Variants in CFH observed in about 807,000 individuals in gnomAD.
The protein encoded by CFH is complement factor H.
A neutral mutation model predicts 147.3 loss-of-function variants in CFH; 53 were observed. That is an observed-to-expected ratio of 0.36 (90% confidence interval 0.29 to 0.45). The LOEUF is 0.45. Among genes scored for constraint, CFH ranks in the 20% least tolerant of loss-of-function variants. The pLI is 1.00. For missense variants in CFH, 1,380 were observed against 1,498.0 expected, an observed-to-expected ratio of 0.92 and a Z score of 1.30; for synonymous variants, 536 against 489.4, an observed-to-expected ratio of 1.10 and a Z score of -1.26.
chr1:196,657,342 C>A (rs1004457949), intron 1 of CFH, among the ~76,000 whole-genome samples: 6 of 151,982 alleles, frequency 3.9e-5, no homozygotes, highest in Middle Eastern at 3.2e-3. Flanking sequence ...TAGATCATAT[C>A]GTATATATGC....
At chr1:196,659,231 A>G (rs1209937292) in intron 1 of CFH, among the ~76,000 whole-genome samples, 1 of 152,228 alleles carries the variant, frequency 6.6e-6, no homozygotes, top group East Asian at 1.9e-4. Flanking sequence ...CTGAGCTTGA[A>G]CATTCGATTG....
At chr1:196,744,726 C>T (rs1007444816) in intron 20 of CFH, among the ~76,000 whole-genome samples, 4 of 152,114 alleles carry the variant, frequency 2.6e-5, no homozygotes, top group African/African-American at 9.7e-5. Context: ...ATTGAAAAAA[C>T]TTATGAGGAA....
intron 9 of CFH, among the ~76,000 whole-genome samples, chr1:196,696,687 G>A (rs910357507): frequency 6.6e-5 from 10 of 152,052 alleles, no homozygotes; most frequent in African/African-American, 1.2e-4. Flanking sequence ...GAAAGAGCCC[G>A]CATTGCCAAG....
At chr1:196,738,006 T>C (rs1652637937) in intron 17 of CFH, among the ~76,000 whole-genome samples, 1 of 152,086 alleles carries the variant, frequency 6.6e-6, no homozygotes, top group East Asian at 1.9e-4. Context: ...GAGGAGGTCT[T>C]AGGAAACTTA....
chr1:196,736,442 G>C (rs552028199), intron 15 of CFH, among the ~76,000 whole-genome samples: 1 of 151,948 alleles, frequency 6.6e-6, no homozygotes, highest in Non-Finnish European at 1.5e-5. Context: ...TTTGATTATA[G>C]ATATCAATTT....
intron 9 of CFH, among the ~76,000 whole-genome samples, chr1:196,704,160 C>T: frequency 6.6e-6 from 1 of 151,966 alleles, no homozygotes; most frequent in Admixed American, 6.6e-5. Flanking sequence ...TCACTGCAAC[C>T]TCTGGCTCAC....
At chr1:196,721,523 T>C (rs1187718638) in intron 11 of CFH, among the ~76,000 whole-genome samples, 1 of 152,028 alleles carries the variant, frequency 6.6e-6, no homozygotes, top group African/African-American at 2.4e-5. Context: ...GAAAAACATA[T>C]ATTCTGAGGT....
intron 18 of CFH, 60 bp from the exon 19 acceptor site, chr1:196,741,815 T>A: frequency 1.4e-6 from 2 of 1,440,444 alleles, no homozygotes; most frequent in Non-Finnish European, 2.0e-6. Context: ...CCATTACATG[T>A]ATTGTATGTA....
chr1:196,658,309 G>T (rs1666776251), intron 1 of CFH, among the ~76,000 whole-genome samples: 1 of 151,616 alleles, frequency 6.6e-6, no homozygotes. Flanking sequence ...GCGTACTGGT[G>T]CAATCATGGC....
chr1:196,706,049 G>A (rs1887973), intron 9 of CFH, among the ~76,000 whole-genome samples: 2 of 151,718 alleles, frequency 1.3e-5, no homozygotes, highest in African/African-American at 4.8e-5. Flanking sequence ...TATGCACCAC[G>A]GACAACAGAA....
chr1:196,747,261 G>A lies in CFH; in HGVS notation c.3644G>A (p.Arg1215Gln). 6.2e-7 allele frequency: 1 copy of A among 1,613,958 alleles called. No individual in the cohort carries two copies. Among genetic ancestry groups the A allele is most frequent in the Non-Finnish European group, 8.5e-7 (1 of 1,179,934 alleles). Reference sequence around the variant, plus strand: ...CTTTCATCACGTTCTCACACATTGCGAACAACATGTTGGGATGGGAAACTG... The same window carrying A: ...CTTTCATCACGTTCTCACACATTGCAAACAACATGTTGGGATGGGAAACTG... ...YRLSSRSHTL[R>Q]TTCWDGKLEY... The change falls in exon 22 of 22, where the codon CGA becomes CAA. Residue 1215 changes from arginine to glutamine, a missense_variant. By Grantham distance (43) the Arg-to-Gln change is conservative. This residue lies in a region of CFH where 123 missense variants were observed against 185.3 expected (regional missense o/e 0.66). Transcript: ENST00000367429.
chr1:196,687,346 C>T (rs923895766), intron 7 of CFH, among the ~76,000 whole-genome samples: 48 of 151,988 alleles, frequency 3.2e-4, no homozygotes, highest in African/African-American at 1.2e-3. Flanking sequence ...CTAATATTTG[C>T]TTCAAGGAAT....
rs183464769 is a variant in CFH at position 196,721,104 on chromosome 1, T to G, written c.1697-4017T>G. On this transcript the variant is annotated intron_variant, in intron 11 of 21. Coordinates refer to ENST00000367429, the MANE Select transcript of CFH (RefSeq NM_000186.4). ...TCTTGGTCATTTTCATGTCTTCTTTTGCAAAATATCTCTTCATATCCTTTG... is the reference window on the plus strand; with the variant it reads ...TCTTGGTCATTTTCATGTCTTCTTTGGCAAAATATCTCTTCATATCCTTTG... 6.3e-4 allele frequency among the ~76,000 whole-genome samples: 96 copies of G among 152,138 alleles called. 1 individual carries two copies. Among genetic ancestry groups the G allele is most frequent in the Non-Finnish European group, 4.1e-4 (28 of 67,928 alleles).
intron 11 of CFH, among the ~76,000 whole-genome samples, chr1:196,723,057 A>G (rs1417998118): frequency 6.6e-6 from 1 of 152,110 alleles, no homozygotes; most frequent in East Asian, 1.9e-4. Flanking sequence ...AATATTTTAA[A>G]TTCTTTGGTA....
chr1:196,727,601 A>G (rs1669176829), intron 14 of CFH, among the ~76,000 whole-genome samples: 1 of 152,142 alleles, frequency 6.6e-6, no homozygotes. Context: ...TTGTTATTGT[A>G]TGGTATTCCT....
rs768647508 is a variant in CFH, at chr1:196,677,554, A to G, written c.506A>G (p.His169Arg). The change falls in exon 5 of 22, where the codon CAT (histidine) becomes CGT (arginine). Residue 169 changes from histidine to arginine, a missense_variant. Around this residue, in one of 4 missense-constraint regions of CFH, gnomAD observed 260 missense variants for 263.3 expected, o/e 0.99. Coordinates refer to ENST00000367429, the MANE Select transcript of CFH (RefSeq NM_000186.4). ...GCAATGGAACCAGATCGGGAATACC[A>G]TTTTGGACAAGCAGTACGGTTTGTA... is the stretch of plus-strand genomic sequence containing the variant. ...SSAMEPDREYHFGQAVRFVCN... is the reference protein window; with the variant it reads ...SSAMEPDREYRFGQAVRFVCN... The G allele has an allele frequency of 3.4e-5, 55 of 1,613,298 alleles. No individual in the cohort carries two copies. Among genetic ancestry groups the G allele is most frequent in the Non-Finnish European group, 4.2e-5 (50 of 1,179,490 alleles).
rs375943030 is a variant in CFH, at chr1:196,715,559, T to G, written c.1520-34T>G. 1.5e-4 allele frequency: 232 copies of G among 1,519,810 alleles called. No individual in the cohort carries two copies. In the African/African-American group the frequency reaches 2.9e-3, roughly 19 times the overall value. The allele number at this position is 1,519,810 out of a possible 1,614,324, so 94.1% of individuals were successfully genotyped here. On this transcript the variant is annotated intron_variant, in intron 10 of 21. Coordinates refer to ENST00000367429, the MANE Select transcript of CFH (RefSeq NM_000186.4). ...TACTCAGATTGTTTATTAGATGACA[T>G]TAGAAATGACATTCTAAATTTTTTA...
At chr1:196,674,734 A>G (rs540202225) in intron 3 of CFH, among the ~76,000 whole-genome samples, 5 of 152,296 alleles carry the variant, frequency 3.3e-5, no homozygotes, top group African/African-American at 9.6e-5. Context: ...ATAATAGTTT[A>G]AAGCTTAGTC....
intron 9 of CFH, among the ~76,000 whole-genome samples, chr1:196,694,365 T>C (rs1325607943): frequency 6.6e-6 from 1 of 152,212 alleles, no homozygotes; most frequent in Non-Finnish European, 1.5e-5. Context: ...TAGTATTCCA[T>C]GGTGTATATG....
Sources: gnomAD v4.1 joint callset for allele counts (sites outside exome capture counted in the v4.1 genomes callset) on GRCh38, gnomAD v4.1.1 for gene constraint, gnomAD v4.1.1 regional missense constraint, MANE v1.5 for transcripts, NCBI Gene and HGNC (gene_info 2026-07-23, HGNC 2026-07-21) for gene names.